RPS6KC1: variants seen among roughly 807,000 people sequenced by gnomAD.
RPS6KC1 encodes the protein ribosomal protein S6 kinase C1, also known as inactive ribosomal protein S6 kinase delta-1.
A neutral mutation model predicts 103.8 loss-of-function variants in RPS6KC1; 54 were observed. The ratio of observed to expected loss-of-function variants is 0.52; its 90% CI spans 0.42 to 0.65. RPS6KC1 has a LOEUF of 0.65. RPS6KC1 is among the 30% of genes least tolerant of loss of function. The probability of loss-of-function intolerance (pLI) is 0.00; values close to 1 mark genes in which losing one functional copy is unlikely to be tolerated. For missense variants in RPS6KC1, 1,151 were observed against 1,253.8 expected (o/e 0.92, Z 1.24); for synonymous variants, 439 against 438.7 (o/e 1.00, Z -0.01).
chr1:213,452,241 C>A, the RPS6KC1 span, among the ~76,000 whole-genome samples: 1 of 151,266 alleles, frequency 6.6e-6, no homozygotes, highest in African/African-American at 2.4e-5. Context: ...CAAACCAAAG[C>A]AAAACAGACT....
At chr1:213,406,884 C>T in the RPS6KC1 span, among the ~76,000 whole-genome samples, 3 of 152,152 alleles carry the variant, frequency 2.0e-5, no homozygotes, top group African/African-American at 4.8e-5. Flanking sequence ...GCATGATTAT[C>T]GTCATTTTAC....
intron 5 of RPS6KC1, among the ~76,000 whole-genome samples, chr1:213,123,820 A>G (rs965024642): frequency 1.3e-5 from 2 of 152,182 alleles, no homozygotes; most frequent in African/African-American, 4.8e-5. Flanking sequence ...GCTATCAGCT[A>G]ATAATAATGA....
chr1:213,749,758 A>T, the RPS6KC1 span, among the ~76,000 whole-genome samples: 1 of 152,064 alleles, frequency 6.6e-6, no homozygotes, highest in Non-Finnish European at 1.5e-5. Context: ...CACCTTTTCT[A>T]TTCAGGGGAC....
the RPS6KC1 span, among the ~76,000 whole-genome samples, chr1:213,696,273 G>A: frequency 5.3e-5 from 8 of 152,222 alleles, no homozygotes; most frequent in Non-Finnish European, 1.5e-5. Context: ...GCTGAGGCGG[G>A]CGGATCACCT....
At chr1:213,266,122 T>C (rs959462210) in intron 14 of RPS6KC1, among the ~76,000 whole-genome samples, 11 of 152,208 alleles carry the variant, frequency 7.2e-5, no homozygotes, top group African/African-American at 2.4e-4. Context: ...CGAACATTCA[T>C]GACACAGTAA....
At chr1:213,616,277 C>T in the RPS6KC1 span, among the ~76,000 whole-genome samples, 1 of 152,164 alleles carries the variant, frequency 6.6e-6, no homozygotes, top group Non-Finnish European at 1.5e-5. Context: ...AAGGGGAGGT[C>T]TGTGGGGGCT....
At chr1:213,256,047 G>A (rs1178697166) in intron 12 of RPS6KC1, among the ~76,000 whole-genome samples, 5,891 of 152,168 alleles carry the variant, frequency 0.039, 335 homozygotes, top group African/African-American at 0.13. Flanking sequence ...TGGTTTCCAT[G>A]AAAAACCAAT....
chr1:213,380,202 T>C, the RPS6KC1 span, among the ~76,000 whole-genome samples: 1 of 152,182 alleles, frequency 6.6e-6, no homozygotes, highest in African/African-American at 2.4e-5. Context: ...GAGGCCATTA[T>C]CCTCAGCAAA....
At chr1:213,656,619 A>T in the RPS6KC1 span, among the ~76,000 whole-genome samples, 1 of 152,210 alleles carries the variant, frequency 6.6e-6, no homozygotes, top group Non-Finnish European at 1.5e-5. Context: ...ACAGCTGATC[A>T]GTAGGCAAGC....
the RPS6KC1 span, among the ~76,000 whole-genome samples, chr1:213,573,228 T>C: frequency 1.3e-5 from 2 of 152,188 alleles, no homozygotes; most frequent in Non-Finnish European, 2.9e-5. Flanking sequence ...ATCTGCCTCC[T>C]GGAAACGCCC....
chr1:213,845,970 C>G, the RPS6KC1 span, among the ~76,000 whole-genome samples: 1 of 151,910 alleles, frequency 6.6e-6, no homozygotes, highest in Non-Finnish European at 1.5e-5. Context: ...ATTTTGGACT[C>G]TTTGGCTTCC....
rs35813252 is a variant in RPS6KC1, at chr1:213,178,186, AAAATAAATAAATAAAT to A, written c.1044+1724_1044+1739del. 4.6e-3 allele frequency among the ~76,000 whole-genome samples: 585 copies of A among 128,310 alleles called. 4 individuals are homozygous for A. The highest frequency in any genetic ancestry group is 0.017 in the African/African-American group (552 of 33,218). 84.2% of individuals were successfully genotyped at this position (128,310 alleles called of 152,430 possible). On this transcript the variant is annotated intron_variant, in intron 8 of 14. Coordinates refer to ENST00000366960, the MANE Select transcript of RPS6KC1 (RefSeq NM_012424.6). Reference sequence around the variant, plus strand: ...GGGTGACAGAGTGAGACTCTGTCTCAAAATAAATAAATAAATAAATAAATAAATAAATAAATAAATA... The same window carrying A: ...GGGTGACAGAGTGAGACTCTGTCTCAAAATAAATAAATAAATAAATAAATA...
At chr1:213,499,884 G>A in the RPS6KC1 span, among the ~76,000 whole-genome samples, 1 of 152,212 alleles carries the variant, frequency 6.6e-6, no homozygotes, top group Non-Finnish European at 1.5e-5. Context: ...TACCATATAA[G>A]GGATTAAAAA....
chr1:213,772,353 A>G, the RPS6KC1 span, among the ~76,000 whole-genome samples: 1 of 152,224 alleles, frequency 6.6e-6, no homozygotes, highest in Admixed American at 6.5e-5. Context: ...GCAGGACACA[A>G]TGGCAAATAG....
intron 6 of RPS6KC1, among the ~76,000 whole-genome samples, chr1:213,157,445 G>A (rs189276185): frequency 3.8e-4 from 58 of 152,236 alleles, no homozygotes; most frequent in Admixed American, 7.8e-4. Flanking sequence ...CTGACCTTGT[G>A]ATCTGCCCGC....
At chr1:213,230,835 C>CAAA (rs760471422) in intron 9 of RPS6KC1, among the ~76,000 whole-genome samples, 10 of 54,530 alleles carry the variant, frequency 1.8e-4, no homozygotes, top group South Asian at 7.3e-4. Flanking sequence ...GACCCTGTCT[C>CAAA]AAAAAAAAAA....
chr1:213,439,506 G>C, the RPS6KC1 span, among the ~76,000 whole-genome samples: 1 of 151,520 alleles, frequency 6.6e-6, no homozygotes, highest in Non-Finnish European at 1.5e-5. Context: ...ATGTGTTGTT[G>C]TGGTTGGGTT....
chr1:213,840,315 T>A, the RPS6KC1 span: 1 of 152,222 alleles, frequency 6.6e-6, no homozygotes, highest in African/African-American at 2.4e-5. Context: ...TTAAGTTTCA[T>A]AAGTGCAAAG....
the RPS6KC1 span, among the ~76,000 whole-genome samples, chr1:213,531,353 A>G: frequency 6.6e-6 from 1 of 152,228 alleles, no homozygotes; most frequent in African/African-American, 2.4e-5. Context: ...AAGACAGGAC[A>G]GGAGAGGAAA....
Sources: gnomAD v4.1 joint callset for allele counts (sites outside exome capture counted in the v4.1 genomes callset) on GRCh38, gnomAD v4.1.1 for gene constraint, MANE v1.5 for transcripts, NCBI Gene and HGNC (gene_info 2026-07-23, HGNC 2026-07-21) for gene names.